The following PTCHD4 variants were observed in gnomAD, a reference collection of about 807,000 sequenced individuals.
PTCHD4 encodes the protein patched domain containing 4.
A neutral mutation model predicts 58.1 loss-of-function variants in PTCHD4; 33 were observed. That is an observed-to-expected ratio of 0.57 (90% CI 0.43 to 0.76). PTCHD4 has a LOEUF of 0.76. PTCHD4 is among the 30% of genes least tolerant of loss of function. PTCHD4 has a pLI of 0.00. For missense variants in PTCHD4, 1,058 were observed against 1,027.1 expected (o/e 1.03, Z -0.41); for synonymous variants, 478 against 409.6 (o/e 1.17, Z -2.02).
At chr6:47,925,244 C>T (rs368800391) in intron 4 of PTCHD4, among the ~76,000 whole-genome samples, 1 of 151,390 alleles carries the variant, frequency 6.6e-6, no homozygotes, top group South Asian at 2.1e-4. Context: ...TTGTCTCCTC[C>T]TCCAGCATCT....
Position 47,900,520 on chromosome 6 carries a change from C to T in PTCHD4, c.899-20584G>A, listed in dbSNP as rs187226634. On this transcript the variant is annotated intron_variant, in intron 4 of 4. Coordinates refer to ENST00000339488, the MANE Select transcript of PTCHD4 (RefSeq NM_001384253.1). ...CTTTAAATATTCTGTATACAAGTCTCTTATAAGATAGATAATTTGAAAATA... is the reference window on the plus strand; with the variant it reads ...CTTTAAATATTCTGTATACAAGTCTTTTATAAGATAGATAATTTGAAAATA... 3.3e-5 allele frequency: 5 copies of T among 152,264 alleles called. No individual in the cohort carries two copies. The East Asian group carries it at 9.6e-4, about 29-fold the overall frequency. 9.4% of individuals were successfully genotyped at this position (152,264 alleles called of 1,614,324 possible). A position where few individuals can be genotyped will look rare whatever the true frequency, so the allele number is the denominator to read the frequency against.
At chr6:48,103,078 C>G (rs1284117668) in intron 1 of PTCHD4, among the ~76,000 whole-genome samples, 1 of 152,222 alleles carries the variant, frequency 6.6e-6, no homozygotes, top group Non-Finnish European at 1.5e-5. Flanking sequence ...TCTTAAATGT[C>G]CCTGTCTGAT....
At chr6:47,896,776 G>A (rs1019764701) in intron 4 of PTCHD4, among the ~76,000 whole-genome samples, 3 of 152,178 alleles carry the variant, frequency 2.0e-5, no homozygotes, top group Non-Finnish European at 4.4e-5. Flanking sequence ...TCTCTGTGAG[G>A]CAGGCATATT....
At chr6:48,092,834 G>A (rs769118681) in intron 1 of PTCHD4, among the ~76,000 whole-genome samples, 2 of 152,286 alleles carry the variant, frequency 1.3e-5, no homozygotes, top group Non-Finnish European at 2.9e-5. Context: ...ATCCTTTCAT[G>A]AACACTTCTC....
At chr6:47,908,707 G>A (rs1043496632) in intron 4 of PTCHD4, among the ~76,000 whole-genome samples, 56 of 152,120 alleles carry the variant, frequency 3.7e-4, no homozygotes, top group African/African-American at 1.3e-3. Context: ...GAATGTCATG[G>A]TTTTTAGCAG....
chr6:47,922,084 T>C (rs1765450888), intron 4 of PTCHD4, among the ~76,000 whole-genome samples: 2 of 151,896 alleles, frequency 1.3e-5, no homozygotes, highest in Non-Finnish European at 1.5e-5. Flanking sequence ...GCTGCAGTGA[T>C]GTATGATTGC....
intron 4 of PTCHD4, among the ~76,000 whole-genome samples, chr6:47,930,137 G>T (rs1765763016): frequency 6.6e-6 from 1 of 152,142 alleles, no homozygotes; most frequent in South Asian, 2.1e-4. Context: ...TAAAGTGGAT[G>T]CAAAAGAAAG....
intron 3 of PTCHD4, among the ~76,000 whole-genome samples, chr6:48,022,054 T>C (rs565063528): frequency 6.6e-6 from 1 of 152,256 alleles, no homozygotes; most frequent in East Asian, 1.9e-4. Flanking sequence ...TCTTAATCTT[T>C]TGATAAAACA....
In PTCHD4 at chr6:47,879,990, A is replaced by C; in HGVS notation, c.899-54T>G. 4 of 1,298,396 alleles carry C rather than the reference A, an allele frequency of 3.1e-6. No homozygotes were observed. The South Asian group carries it at 4.9e-5, about 16-fold the overall frequency. 80.4% of individuals were successfully genotyped at this position (1,298,396 alleles called of 1,614,324 possible). A position where few individuals can be genotyped will look rare whatever the true frequency, so the allele number is the denominator to read the frequency against. ...TTATTTTTATTTCCTCCTATGGCTC[A>C]AGTGAATTCCTTATAGTTTATCTAT... On this transcript the variant is annotated intron_variant, in intron 4 of 4. Coordinates refer to ENST00000339488, the MANE Select transcript of PTCHD4 (RefSeq NM_001384253.1).
At chr6:48,023,065 A>T (rs1763121316) in intron 3 of PTCHD4, among the ~76,000 whole-genome samples, 2 of 152,214 alleles carry the variant, frequency 1.3e-5, no homozygotes, top group Admixed American at 1.3e-4. Flanking sequence ...AGTCAGCAGC[A>T]CATTAAACTA....
chr6:47,858,766 CA>C lies in PTCHD4; in HGVS notation c.*19536del, dbSNP rs766743619. On this transcript the variant is annotated 3_prime_UTR_variant, in exon 5 of 5. Transcript: ENST00000339488. The stretch of plus-strand genomic sequence containing the variant: ...TAAGAAAACTAAAACAAGTTCCATA[CA>C]AATGAAAATTTAGAAGGTGAGAAAT... Among the ~76,000 whole-genome samples the C allele has an allele frequency of 1.3e-4, 20 of 151,904 alleles. No homozygotes were observed. Among genetic ancestry groups the C allele is most frequent in the Non-Finnish European group, 2.1e-4 (14 of 67,932 alleles).
chr6:47,986,255 T>C (rs145905189), intron 4 of PTCHD4, among the ~76,000 whole-genome samples: 1 of 152,278 alleles, frequency 6.6e-6, no homozygotes, highest in Non-Finnish European at 1.5e-5. Context: ...TGTATCATTG[T>C]CCTTATTTAT....
At chr6:47,975,020 C>T (rs1767641773) in intron 4 of PTCHD4, among the ~76,000 whole-genome samples, 1 of 152,070 alleles carries the variant, frequency 6.6e-6, no homozygotes. Context: ...ACAAACAAAA[C>T]AAAACAGTTG....
Position 48,012,799 on chromosome 6 carries a change from T to C in PTCHD4, c.418-3685A>G, listed in dbSNP as rs149405049. ...TAGCATGAAGGGGTGTTTAATTTTA[T>C]TGAAGACCTTTTCTGCATCTATTGA... On this transcript the variant is annotated intron_variant, in intron 3 of 4. Transcript: ENST00000339488. Among the ~76,000 whole-genome samples the C allele has an allele frequency of 2.3e-3, 349 of 152,344 alleles. 2 individuals carry two copies. Among genetic ancestry groups the C allele is most frequent in the African/African-American group, 8.1e-3 (337 of 41,584 alleles).
At chr6:48,041,471 T>A (rs989430419) in intron 3 of PTCHD4, among the ~76,000 whole-genome samples, 1 of 152,018 alleles carries the variant, frequency 6.6e-6, no homozygotes, top group Non-Finnish European at 1.5e-5. Context: ...AGTACCAGTT[T>A]GAACATGAGA....
At chr6:48,018,831 G>C (rs1409628829) in intron 3 of PTCHD4, among the ~76,000 whole-genome samples, 1 of 152,186 alleles carries the variant, frequency 6.6e-6, no homozygotes, top group Non-Finnish European at 1.5e-5. Flanking sequence ...ACCTACATAA[G>C]AGAAGTTGGC....
chr6:47,972,723 T>C (rs550271044), intron 4 of PTCHD4, among the ~76,000 whole-genome samples: 9 of 152,052 alleles, frequency 5.9e-5, no homozygotes, highest in Non-Finnish European at 8.8e-5. Context: ...TGTCTGCATA[T>C]GTACTAATTG....
chr6:48,075,399 TA>T (rs1765044129), intron 1 of PTCHD4, among the ~76,000 whole-genome samples: 1 of 151,984 alleles, frequency 6.6e-6, no homozygotes, highest in African/African-American at 2.4e-5. Context: ...GGAAAGTAGT[TA>T]AAGTTCTGGA....
intron 4 of PTCHD4, among the ~76,000 whole-genome samples, chr6:47,882,085 T>G (rs1764034610): frequency 6.6e-6 from 1 of 152,168 alleles, no homozygotes; most frequent in Non-Finnish European, 1.5e-5. Context: ...AATACAGTAC[T>G]TGCTCTATTA....
Sources: allele counts gnomAD v4.1 joint callset (sites outside exome capture counted in the v4.1 genomes callset), GRCh38; gene constraint gnomAD v4.1.1; transcripts MANE v1.5; gene names NCBI Gene and HGNC (gene_info 2026-07-23, HGNC 2026-07-21).